EYS: variants seen among roughly 807,000 people sequenced by gnomAD.
The protein encoded by EYS is protein eyes shut homolog.
A neutral mutation model predicts 282.1 loss-of-function variants in EYS; 250 were observed. The observed-to-expected ratio is 0.89, with a 90% CI of 0.80 to 0.98. The LOEUF (loss-of-function observed/expected upper bound fraction) is 0.98. EYS is among the 50% of genes least tolerant of loss of function. The pLI is 0.00. For synonymous variants in EYS, 1,355 were observed against 1,282.9 expected (o/e 1.06, Z -1.20); for missense variants, 4,016 against 3,709.0 (o/e 1.08, Z -2.15).
intron 2 of EYS, among the ~76,000 whole-genome samples, chr6:65,579,927 G>A (rs144137423): frequency 5.3e-4 from 81 of 152,144 alleles, no homozygotes; most frequent in African/African-American, 1.9e-3. Flanking sequence ...TTTTAAATGT[G>A]AATGTGAAAT....
intron 22 of EYS, among the ~76,000 whole-genome samples, chr6:64,685,298 T>A (rs555666151): frequency 7.6e-4 from 41 of 53,848 alleles, no homozygotes; most frequent in African/African-American, 1.9e-3. Flanking sequence ...TATAAATACT[T>A]GATTTAAAAA....
intron 5 of EYS, among the ~76,000 whole-genome samples, chr6:65,462,275 AG>A (rs1764851278): frequency 1.3e-5 from 2 of 152,146 alleles, no homozygotes; most frequent in South Asian, 4.1e-4. Context: ...ATAATGACAA[AG>A]AACAGATGAG....
intron 29 of EYS, among the ~76,000 whole-genome samples, chr6:64,337,977 C>A (rs1164540703): frequency 6.6e-6 from 1 of 151,818 alleles, no homozygotes; most frequent in Non-Finnish European, 1.5e-5. Flanking sequence ...AAGGGACACA[C>A]CTTAGTGTAA....
intron 22 of EYS, among the ~76,000 whole-genome samples, chr6:64,731,901 G>A (rs1483041380): frequency 6.6e-6 from 1 of 152,150 alleles, no homozygotes; most frequent in East Asian, 1.9e-4. Flanking sequence ...GCAAATATAT[G>A]GAACCAAATC....
At chr6:65,053,819 G>C (rs894112395) in intron 13 of EYS, among the ~76,000 whole-genome samples, 5 of 151,902 alleles carry the variant, frequency 3.3e-5, no homozygotes, top group African/African-American at 1.2e-4. Context: ...TTGCTAACCT[G>C]TATCTATTGA....
intron 29 of EYS, among the ~76,000 whole-genome samples, chr6:64,384,895 G>A (rs1772860854): frequency 1.3e-5 from 2 of 152,130 alleles, no homozygotes; most frequent in African/African-American, 4.8e-5. Context: ...ATACACATTG[G>A]ATTAGGGACT....
At chr6:65,381,255 G>A (rs146808378) in intron 8 of EYS, among the ~76,000 whole-genome samples, 1,722 of 152,132 alleles carry the variant, frequency 0.011, 36 homozygotes, top group African/African-American at 0.039. Context: ...AGAAACTGTG[G>A]CACATATACA....
Position 64,626,151 on chromosome 6 carries a change from T to C in EYS, c.3538A>G (p.Ile1180Val), listed in dbSNP as rs1767602109. 1 of 1,546,952 alleles carries C rather than the reference T, an allele frequency of 6.5e-7. No individual in the cohort carries two copies. The highest frequency in any genetic ancestry group is 1.4e-5 in the African/African-American group (1 of 73,030). The change falls in exon 23 of 43, where the codon ATC becomes GTC. Residue 1180 changes from isoleucine (I) to valine (V), a missense_variant. Physicochemically the swap from Ile to Val is conservative, Grantham distance 29. Transcript: ENST00000503581. ...TGGCATTTGCAAACATATCCATTGATGTGATCTTCACAGTCTGCACCATGT... is the reference window on the plus strand; with the variant it reads ...TGGCATTTGCAAACATATCCATTGACGTGATCTTCACAGTCTGCACCATGT... ...CLHGADCEDH[I>V]NGYVCKCQPG... is the part of the protein sequence containing the mutation.
At chr6:64,923,850 GC>G (rs1481441023) in intron 15 of EYS, among the ~76,000 whole-genome samples, 1 of 152,192 alleles carries the variant, frequency 6.6e-6, no homozygotes. Context: ...GGGCAGCTCT[GC>G]CCCTGTGGCT....
At chr6:64,902,668 TA>T (rs544810443) in intron 16 of EYS, among the ~76,000 whole-genome samples, 168 bp from the exon 17 acceptor site, 1 of 152,152 alleles carries the variant, frequency 6.6e-6, no homozygotes, top group African/African-American at 2.4e-5. Context: ...AATGTGTGCA[TA>T]AAAACATGCC....
intron 22 of EYS, among the ~76,000 whole-genome samples, chr6:64,741,416 A>C (rs1772367854): frequency 6.6e-6 from 1 of 152,142 alleles, no homozygotes; most frequent in Admixed American, 6.5e-5. Context: ...CATAATTCTT[A>C]AGGGCCTTAC....
At chr6:64,180,761 C>CA (rs1468216896) in intron 31 of EYS, among the ~76,000 whole-genome samples, 1 of 151,842 alleles carries the variant, frequency 6.6e-6, no homozygotes, top group South Asian at 2.1e-4. Context: ...GAAAAGATTC[C>CA]AAAAAAAGAT....
chr6:65,325,595 A>C (rs2150308096), intron 11 of EYS, among the ~76,000 whole-genome samples: 1 of 152,228 alleles, frequency 6.6e-6, no homozygotes, highest in Admixed American at 6.5e-5. Flanking sequence ...CAAAAGGTAG[A>C]ATCAGATGGC....
intron 14 of EYS, among the ~76,000 whole-genome samples, chr6:64,967,686 T>A (rs866852814): frequency 4.6e-5 from 7 of 152,170 alleles, no homozygotes; most frequent in African/African-American, 1.7e-4. Flanking sequence ...CACTGAGGAT[T>A]AACACTACTT....
At chr6:63,817,818 CT>C (rs1273987506) in intron 36 of EYS, among the ~76,000 whole-genome samples, 3 of 152,200 alleles carry the variant, frequency 2.0e-5, no homozygotes, top group Non-Finnish European at 2.9e-5. Context: ...TGGTTGGATT[CT>C]TTATCTGGTG....
intron 31 of EYS, among the ~76,000 whole-genome samples, chr6:64,145,075 A>G (rs1774465832): frequency 6.6e-6 from 1 of 152,144 alleles, no homozygotes; most frequent in South Asian, 2.1e-4. Context: ...AGGATGATAA[A>G]TTTGAGGGAT....
chr6:64,528,968 T>C (rs1173278190), intron 26 of EYS, among the ~76,000 whole-genome samples: 1 of 152,018 alleles, frequency 6.6e-6, no homozygotes, highest in Non-Finnish European at 1.5e-5. Flanking sequence ...TTCTAAGAAA[T>C]GGAATATGTT....
intron 36 of EYS, among the ~76,000 whole-genome samples, chr6:63,820,087 C>A (rs542091582): frequency 6.6e-6 from 1 of 152,308 alleles, no homozygotes; most frequent in Non-Finnish European, 1.5e-5. Flanking sequence ...TCTAAAATTA[C>A]AATTCATGTT....
intron 8 of EYS, among the ~76,000 whole-genome samples, chr6:65,363,708 G>T (rs1764804835): frequency 6.6e-6 from 1 of 151,786 alleles, no homozygotes; most frequent in African/African-American, 2.4e-5. Context: ...CATTTATTTA[G>T]ATAACTTCAA....
Sources: allele counts gnomAD v4.1 joint callset (sites outside exome capture counted in the v4.1 genomes callset), GRCh38; gene constraint gnomAD v4.1.1; transcripts MANE v1.5; gene names NCBI Gene and HGNC (gene_info 2026-07-23, HGNC 2026-07-21).